Variants in COA1 observed in about 807,000 individuals in gnomAD.
COA1 encodes cytochrome c oxidase assembly factor 1 homolog.
Under a neutral mutation model 16.0 loss-of-function variants are expected in COA1, and 13 were observed. That is an observed-to-expected ratio of 0.81 (90% CI 0.53 to 1.29). The LOEUF is 1.29. COA1 is among the 50% of genes most tolerant of loss of function. The pLI is 0.00. For synonymous variants in COA1, 65 were observed against 65.7 expected, an observed-to-expected ratio of 0.99 and a Z score of 0.05; for missense variants, 179 against 177.0, an observed-to-expected ratio of 1.01 and a Z score of -0.06.
intron 1 of COA1, among the ~76,000 whole-genome samples, chr7:43,719,463 T>G (rs1455605691): frequency 6.6e-6 from 1 of 152,144 alleles, no homozygotes; most frequent in Non-Finnish European, 1.5e-5. Flanking sequence ...TAATAAATAA[T>G]GAAATGCTAG....
At chr7:43,677,021 G>A (rs1326904918) in intron 1 of COA1, among the ~76,000 whole-genome samples, 1 of 152,112 alleles carries the variant, frequency 6.6e-6, no homozygotes, top group East Asian at 1.9e-4. Context: ...AAGTCCCCTT[G>A]GGGTGGGTCT....
chr7:43,608,838 A>T (rs538191145), exon 7 of COA1: 1 of 150,576 alleles, frequency 6.6e-6, no homozygotes, highest in South Asian at 2.1e-4. Context: ...GGGGTTTCAT[A>T]TGTCATGAAG....
rs1563382026 is a variant in COA1 at position 43,691,305 on chromosome 7, GAA to G, written c.-39+38122_-39+38123del. Among the ~76,000 whole-genome samples the G allele has an allele frequency of 1.7e-4, 16 of 92,950 alleles. 1 individual carries two copies. The highest frequency in any genetic ancestry group is 3.3e-4 in the Non-Finnish European group (15 of 45,464). The allele number at this position is 92,950 out of a possible 152,430, so 61.0% of individuals were successfully genotyped here. ...AGAAAGAAAGAAAGAAAGAAAGAAA[GAA>G]AGAAAGAAAGAAAGAAAGAAAGAGA... is the stretch of plus-strand genomic sequence containing the variant. On this transcript the variant is annotated intron_variant, in intron 1 of 5. Transcript: ENST00000223336.
At chr7:43,712,035 G>A (rs561378215) in intron 1 of COA1, among the ~76,000 whole-genome samples, 36 of 152,128 alleles carry the variant, frequency 2.4e-4, no homozygotes, top group Non-Finnish European at 4.6e-4. Flanking sequence ...TCCCTCCACC[G>A]AGGTAGCTAT....
rs752887798 is a variant in COA1 at position 43,706,264 on chromosome 7, G to A, written c.-39+23165C>T. On this transcript the variant is annotated intron_variant, in intron 1 of 5. Coordinates refer to ENST00000223336, the MANE Select transcript of COA1 (RefSeq NM_018224.4). ...ATTAATATTAGAATCCAAGCCAGGCGCAGTGGCTCACGCCTGTAATCCCAG... is the reference window on the plus strand; with the variant it reads ...ATTAATATTAGAATCCAAGCCAGGCACAGTGGCTCACGCCTGTAATCCCAG... 1.9e-4 allele frequency among the ~76,000 whole-genome samples: 29 copies of A among 152,252 alleles called. 1 individual carries two copies. The highest frequency in any genetic ancestry group is 4.1e-4 in the South Asian group (2 of 4,822).
intron 1 of COA1, among the ~76,000 whole-genome samples, chr7:43,683,349 T>A (rs1358555486): frequency 1.3e-5 from 2 of 152,146 alleles, no homozygotes; most frequent in Non-Finnish European, 2.9e-5. Context: ...CATTTAGTAG[T>A]TGGCCAGGCA....
intron 6 of COA1, chr7:43,625,328 T>G (rs1473598668): frequency 1.3e-5 from 2 of 152,558 alleles, no homozygotes; most frequent in African/African-American, 2.4e-5. Context: ...TTTTCGAGAC[T>G]TAGAATAACA....
At chr7:43,700,591 C>CGTACGTGTGT (rs2094696020) in intron 1 of COA1, among the ~76,000 whole-genome samples, 2 of 144,868 alleles carry the variant, frequency 1.4e-5, no homozygotes, top group Non-Finnish European at 3.0e-5. Context: ...TGTATATATA[C>CGTACGTGTGT]GTGTGTGTGT....
intron 1 of COA1, chr7:43,649,557 T>G (rs1401403932): frequency 6.6e-6 from 1 of 152,228 alleles, no homozygotes. Context: ...GAGGGTCTGA[T>G]CTGGTCAGAC....
At chr7:43,723,065 A>G (rs1318063547) in intron 1 of COA1, among the ~76,000 whole-genome samples, 1 of 152,232 alleles carries the variant, frequency 6.6e-6, no homozygotes, top group Non-Finnish European at 1.5e-5. Flanking sequence ...ATAATGAAAT[A>G]TTAAACTGAG....
At chr7:43,684,440 T>C (rs1324388524) in intron 1 of COA1, among the ~76,000 whole-genome samples, 1 of 152,142 alleles carries the variant, frequency 6.6e-6, no homozygotes, top group African/African-American at 2.4e-5. Context: ...GCATCATACA[T>C]GGCAGCACAG....
chr7:43,684,478 C>G (rs1173577222), intron 1 of COA1, among the ~76,000 whole-genome samples: 1 of 152,110 alleles, frequency 6.6e-6, no homozygotes, highest in Non-Finnish European at 1.5e-5. Context: ...TCCCAGAAAA[C>G]AAGGTGAAGG....
At chr7:43,627,931 G>A (rs1202930747) in intron 6 of COA1, among the ~76,000 whole-genome samples, 2 of 152,090 alleles carry the variant, frequency 1.3e-5, no homozygotes, top group Non-Finnish European at 2.9e-5. Flanking sequence ...TGATGTCTTT[G>A]AGATTCATCT....
intron 1 of COA1, among the ~76,000 whole-genome samples, chr7:43,652,217 C>T (rs1316468034): frequency 6.6e-6 from 1 of 152,176 alleles, no homozygotes; most frequent in African/African-American, 2.4e-5. Context: ...TGAACACAGG[C>T]CATGTGACAT....
At chr7:43,700,610 G>GTGTT (rs2094698749) in intron 1 of COA1, among the ~76,000 whole-genome samples, 3 of 151,284 alleles carry the variant, frequency 2.0e-5, no homozygotes, top group Non-Finnish European at 4.4e-5. Flanking sequence ...GTGTGTGTGT[G>GTGTT]TGTGTGTGTT....
intron 1 of COA1, among the ~76,000 whole-genome samples, chr7:43,650,871 T>C (rs562725055): frequency 6.7e-6 from 1 of 148,266 alleles, no homozygotes; most frequent in African/African-American, 2.5e-5. Flanking sequence ...GAGTGAGGAC[T>C]CAAGAGTGCT....
intron 6 of COA1, chr7:43,609,600 T>C (rs2082677407): frequency 6.6e-6 from 1 of 152,272 alleles, no homozygotes; most frequent in South Asian, 2.1e-4. Context: ...AAGATCTCTG[T>C]TGATTTTCTG....
intron 1 of COA1, among the ~76,000 whole-genome samples, chr7:43,679,882 A>G (rs2093688660): frequency 6.6e-6 from 1 of 152,220 alleles, no homozygotes; most frequent in South Asian, 2.1e-4. Context: ...GACAGGTTGG[A>G]AACATTTAGC....
chr7:43,645,997 T>C (rs1359858443), intron 3 of COA1: 1 of 153,428 alleles, frequency 6.5e-6, no homozygotes, highest in Non-Finnish European at 1.5e-5. Context: ...GGAATCCTTC[T>C]GAGCCCACAG....
Sources: allele counts gnomAD v4.1 joint callset (sites outside exome capture counted in the v4.1 genomes callset), GRCh38; gene constraint gnomAD v4.1.1; transcripts MANE v1.5; gene names NCBI Gene and HGNC (gene_info 2026-07-23, HGNC 2026-07-21).